The following SLC9A3 variants were observed in gnomAD, a reference collection of about 807,000 sequenced individuals.
SLC9A3 encodes solute carrier family 9 member A3.
SLC9A3 carries 37 observed loss-of-function variants against 86.8 expected under a neutral mutation model. The ratio of observed to expected loss-of-function variants is 0.43; its 90% CI spans 0.33 to 0.56. The LOEUF is 0.56. Among genes scored for constraint, SLC9A3 ranks in the 20% least tolerant of loss-of-function variants. The probability of loss-of-function intolerance (pLI) is 0.06; values close to 1 mark genes in which losing one functional copy is unlikely to be tolerated. For missense variants in SLC9A3, 1,011 were observed against 1,171.9 expected (o/e 0.86, Z 2.00); for synonymous variants, 581 against 528.3 (o/e 1.10, Z -1.37).
intron 1 of SLC9A3, among the ~76,000 whole-genome samples, chr5:494,413 C>G (rs1739928821): frequency 6.6e-6 from 1 of 152,172 alleles, no homozygotes; most frequent in Non-Finnish European, 1.5e-5. Flanking sequence ...CTGCTCAGGG[C>G]AGCCTGGGAC....
rs977173887 is a variant in SLC9A3 at position 483,356 on chromosome 5, G to T, written c.1059C>A (p.Phe353Leu). The T allele has an allele frequency of 1.3e-6, 2 of 1,569,998 alleles. No individual in the cohort carries two copies. The highest frequency in any genetic ancestry group is 1.9e-5 in the Admixed American group (1 of 53,882). Residue 353 changes from phenylalanine to leucine, a missense_variant, in exon 6 of 17, where the codon TTC (phenylalanine) becomes TTA (leucine). Coordinates refer to ENST00000264938, the MANE Select transcript of SLC9A3 (RefSeq NM_004174.4). ...ACGGGTTCACGGCCGAGATACCCAG[G>T]AACATGAAGATGATGGTCTCGGCGC... Reference protein sequence around the residue: ...ASSAETIIFMFLGISAVNPFI... With the variant: ...ASSAETIIFMLLGISAVNPFI...
chr5:510,373 G>T (rs1740824001), intron 1 of SLC9A3, among the ~76,000 whole-genome samples: 1 of 152,210 alleles, frequency 6.6e-6, no homozygotes, highest in Non-Finnish European at 1.5e-5. Flanking sequence ...AGCACGCTTG[G>T]TCCCGGCCTG....
chr5:523,923 C>T (rs1733958103), intron 1 of SLC9A3, among the ~76,000 whole-genome samples, 189 bp downstream of exon 1: 1 of 152,050 alleles, frequency 6.6e-6, no homozygotes. Flanking sequence ...GACCTCGGGA[C>T]CCGCAGGGGC....
rs1740097061 is a variant in SLC9A3 at position 497,863 on chromosome 5, G to A, written c.212-5792C>T. ...CCCCTGTCCCGGGTGGGGTCGCCCG[G>A]CCGCATCCCCAGCCTCTGCCCCTGT... On this transcript the variant is annotated intron_variant, in intron 1 of 16. Coordinates refer to ENST00000264938, the MANE Select transcript of SLC9A3 (RefSeq NM_004174.4). The surrounding 1 kb of genome is among the most constrained non-coding windows in gnomAD (Gnocchi z 5.4). Among the ~76,000 whole-genome samples, 1 of 132,662 alleles carries A rather than the reference G, an allele frequency of 7.5e-6. No homozygotes were observed. Among genetic ancestry groups the A allele is most frequent in the Admixed American group, 7.7e-5 (1 of 13,020 alleles). 87.0% of individuals were successfully genotyped at this position (132,662 alleles called of 152,430 possible). A position where few individuals can be genotyped will look rare whatever the true frequency, so the allele number is the denominator to read the frequency against.
intron 11 of SLC9A3, 85 bp downstream of exon 11, chr5:477,247 A>G (rs1579765927): frequency 1.1e-6 from 1 of 933,076 alleles, no homozygotes. Flanking sequence ...CCCCCAGGCC[A>G]GGAGCCACCA....
intron 6 of SLC9A3, among the ~76,000 whole-genome samples, chr5:483,007 G>C (rs1372640851): frequency 6.6e-6 from 1 of 151,970 alleles, no homozygotes; most frequent in Non-Finnish European, 1.5e-5. Context: ...GGGCTGTCTT[G>C]CTTCCCGTTC....
chr5:484,026 C>T (rs1739348476), intron 5 of SLC9A3, among the ~76,000 whole-genome samples: 1 of 152,232 alleles, frequency 6.6e-6, no homozygotes, highest in African/African-American at 2.4e-5. Context: ...TTCTGCCACA[C>T]ACACCCCCGG....
intron 1 of SLC9A3, among the ~76,000 whole-genome samples, chr5:498,228 G>A (rs1412863736): frequency 2.6e-5 from 4 of 152,154 alleles, no homozygotes; most frequent in Admixed American, 6.5e-5. Context: ...ACGTCCTCAC[G>A]ATGAACGCCC....
intron 1 of SLC9A3, among the ~76,000 whole-genome samples, chr5:500,780 G>A (rs1215592095): frequency 6.7e-6 from 1 of 150,352 alleles, no homozygotes; most frequent in Middle Eastern, 3.4e-3. Flanking sequence ...TGTGGACATG[G>A]GGTCAGTGTG....
chr5:476,733 C>T (rs890976), intron 11 of SLC9A3, 61 bp from the exon 12 acceptor site: 662,881 of 1,575,462 alleles, frequency 0.42, 144,165 homozygotes, highest in African/African-American at 0.71. Context: ...CTTGCGCGCC[C>T]CTCGCCTTCC....
intron 11 of SLC9A3, chr5:477,077 C>CT: frequency 2.0e-6 from 1 of 508,756 alleles, no homozygotes; most frequent in South Asian, 2.8e-5. Flanking sequence ...CTGCTGCGGG[C>CT]CAGGGGCAAA....
chr5:475,896 G>T, intron 14 of SLC9A3, 124 bp downstream of exon 14: 1 of 877,726 alleles, frequency 1.1e-6, no homozygotes, highest in Non-Finnish European at 1.7e-6. Flanking sequence ...TGCCTCCCCT[G>T]CCTGGGTGGC....
intron 10 of SLC9A3, chr5:477,739 G>T (rs372579337): frequency 2.9e-6 from 1 of 347,420 alleles, no homozygotes; most frequent in African/African-American, 2.1e-5. Context: ...AGCTGCCTGG[G>T]ACTTGGGATG....
At chr5:508,935 C>A (rs1203071478) in intron 1 of SLC9A3, among the ~76,000 whole-genome samples, 1 of 147,770 alleles carries the variant, frequency 6.8e-6, no homozygotes, top group Non-Finnish European at 1.5e-5. Flanking sequence ...ATAGTGAGAC[C>A]CCGTCTCTAC....
chr5:488,097 G>A (rs1044137279), intron 3 of SLC9A3, among the ~76,000 whole-genome samples: 8 of 152,256 alleles, frequency 5.3e-5, no homozygotes, highest in African/African-American at 1.4e-4. Context: ...TGGAGTGGGC[G>A]GGCAGGGCCT....
intron 2 of SLC9A3, among the ~76,000 whole-genome samples, chr5:489,345 T>TC (rs1579790351): frequency 1.3e-5 from 2 of 151,332 alleles, no homozygotes; most frequent in Admixed American, 1.3e-4. Context: ...CCCCGACGAG[T>TC]CCCCCCGCAC....
At chr5:475,201 G>T (rs1433621670) in intron 15 of SLC9A3, 69 bp from the exon 16 acceptor site, 2 of 1,477,118 alleles carry the variant, frequency 1.4e-6, no homozygotes, top group South Asian at 1.3e-5. Flanking sequence ...CCTCGCCGGG[G>T]CCGTCACCTG....
At chr5:506,598 G>A (rs1336741834) in intron 1 of SLC9A3, among the ~76,000 whole-genome samples, 1 of 152,216 alleles carries the variant, frequency 6.6e-6, no homozygotes, top group Non-Finnish European at 1.5e-5. Flanking sequence ...GACCTGTCTG[G>A]CCACTTCCCA....
intron 1 of SLC9A3, among the ~76,000 whole-genome samples, chr5:519,631 G>C (rs1236605868): frequency 1.3e-5 from 2 of 152,162 alleles, no homozygotes; most frequent in Non-Finnish European, 2.9e-5. Flanking sequence ...TGTCGGGTGA[G>C]GACGACCTCC....
Sources: gnomAD v4.1 joint callset for allele counts (sites outside exome capture counted in the v4.1 genomes callset) on GRCh38, gnomAD v4.1.1 for gene constraint, Gnocchi (gnomAD v3.1) non-coding constraint, MANE v1.5 for transcripts, NCBI Gene and HGNC (gene_info 2026-07-23, HGNC 2026-07-21) for gene names.